The following ZNF141 variants were observed in gnomAD, a reference collection of about 807,000 sequenced individuals.
ZNF141 encodes zinc finger protein 141.
ZNF141 carries 7 observed loss-of-function variants against 11.3 expected under a neutral mutation model. That is an observed-to-expected ratio of 0.62 (90% CI 0.35 to 1.16). The LOEUF (loss-of-function observed/expected upper bound fraction) is 1.16, where lower values mean the gene tolerates loss of function less well. ZNF141 is among the 50% of genes most tolerant of loss of function. ZNF141 has a pLI of 0.02. For synonymous variants in ZNF141, 183 were observed against 190.7 expected, an observed-to-expected ratio of 0.96 and a Z score of 0.33; for missense variants, 535 against 554.0, an observed-to-expected ratio of 0.97 and a Z score of 0.34.
At chr4:367,446 A>G (rs1047344993) in intron 3 of ZNF141, among the ~76,000 whole-genome samples, 2 of 152,198 alleles carry the variant, frequency 1.3e-5, no homozygotes, top group African/African-American at 4.8e-5. Context: ...GATAAGTTCA[A>G]AAACTGTCAT....
At chr4:369,731 TAAAGAGA>T (rs1711929087) in intron 3 of ZNF141, among the ~76,000 whole-genome samples, 2 of 79,630 alleles carry the variant, frequency 2.5e-5, no homozygotes, top group Non-Finnish European at 4.9e-5. Flanking sequence ...AAAAATTTCT[TAAAGAGA>T]TATATATATA....
chr4:340,844 C>T (rs1392969674), intron 1 of ZNF141, among the ~76,000 whole-genome samples: 2 of 152,194 alleles, frequency 1.3e-5, no homozygotes, highest in South Asian at 4.1e-4. Context: ...CAATCACTAA[C>T]CAATGTTACT....
chr4:369,171 ACACACT>A (rs1560196358), intron 3 of ZNF141, among the ~76,000 whole-genome samples: 1 of 152,032 alleles, frequency 6.6e-6, no homozygotes, highest in African/African-American at 2.4e-5. Context: ...ACACACACAC[ACACACT>A]CACACACACA....
intron 3 of ZNF141, among the ~76,000 whole-genome samples, chr4:348,886 T>A (rs963243393): frequency 2.6e-5 from 4 of 152,234 alleles, no homozygotes; most frequent in Non-Finnish European, 5.9e-5. Flanking sequence ...AGGGATCACA[T>A]TGAATCTATA....
intron 3 of ZNF141, among the ~76,000 whole-genome samples, chr4:362,246 T>A (rs1355202823): frequency 6.6e-6 from 1 of 152,226 alleles, no homozygotes; most frequent in Non-Finnish European, 1.5e-5. Context: ...TCTTGTAAAT[T>A]TGTTTGAATT....
intron 3 of ZNF141, among the ~76,000 whole-genome samples, chr4:349,274 A>AG (rs1200137450): frequency 7.8e-4 from 119 of 152,278 alleles, no homozygotes; most frequent in Non-Finnish European, 1.6e-3. Context: ...TCTCAAAAAA[A>AG]AAAAAATCCC....
chr4:365,833 A>C (rs1711717437), intron 3 of ZNF141, among the ~76,000 whole-genome samples: 1 of 152,194 alleles, frequency 6.6e-6, no homozygotes, highest in African/African-American at 2.4e-5. Context: ...CTAGGGGCCT[A>C]GTTTCATTTT....
rs1553847813 is a variant in ZNF141 at position 337,956 on chromosome 4, G to A, written c.-28G>A. 6.2e-7 allele frequency: 1 copy of A among 1,612,732 alleles called. No homozygotes were observed. The highest frequency in any genetic ancestry group is 1.1e-5 in the South Asian group (1 of 91,068). ...CGGGTATTGGATGATTGGTAGCTAA[G>A]ACTCCCGAATACTTCAGAAGTGGGG... is the stretch of plus-strand genomic sequence containing the variant. On this transcript the variant is annotated 5_prime_UTR_variant, in exon 1 of 4. Transcript: ENST00000240499.
rs1312004013 is a variant in ZNF141 at position 376,090 on chromosome 4, C to G, written c.*2228C>G. 6.6e-6 allele frequency among the ~76,000 whole-genome samples: 1 copy of G among 151,936 alleles called. No homozygotes were observed. The highest frequency in any genetic ancestry group is 1.5e-5 in the Non-Finnish European group (1 of 67,862). On this transcript the variant is annotated 3_prime_UTR_variant, in exon 4 of 4. Transcript: ENST00000240499. The stretch of plus-strand genomic sequence containing the variant: ...ATTATGTGGGAACATAATTTTTTAA[C>G]TAAACAAAATTTTTAACGTGTTGAA...
chr4:344,190 T>A, intron 2 of ZNF141, 145 bp from the exon 3 acceptor site: 1 of 888,610 alleles, frequency 1.1e-6, no homozygotes, highest in Non-Finnish European at 1.7e-6. Context: ...ACTTAAATAT[T>A]CTAAAGATTC....
intron 3 of ZNF141, chr4:358,603 G>C (rs1445741171): frequency 6.3e-6 from 1 of 159,254 alleles, no homozygotes; most frequent in Non-Finnish European, 1.4e-5. Context: ...GTTTGAGATG[G>C]AGTCTTGTTC....
chr4:353,500 G>A (rs543654054), intron 3 of ZNF141, among the ~76,000 whole-genome samples: 61 of 144,994 alleles, frequency 4.2e-4, no homozygotes, highest in African/African-American at 1.3e-3. Context: ...TCTCACTCTC[G>A]TCCAGGCTGG....
In ZNF141 at chr4:359,138, A is replaced by G. The variant is rs1721991991; in HGVS notation, c.227-13526A>G. ...GGCTGATGAGATTTTCACTAGGATC[A>G]CAGTCAACTGCATTGGATCCTGGTC... On this transcript the variant is annotated intron_variant, in intron 3 of 3. Coordinates refer to ENST00000240499, the MANE Select transcript of ZNF141 (RefSeq NM_003441.4). 2.6e-5 allele frequency among the ~76,000 whole-genome samples: 4 copies of G among 152,300 alleles called. No homozygotes were observed. In the South Asian group the frequency reaches 6.2e-4, roughly 24 times the overall value.
chr4:350,676 T>C (rs535635658), intron 3 of ZNF141, among the ~76,000 whole-genome samples: 25 of 152,262 alleles, frequency 1.6e-4, no homozygotes, highest in African/African-American at 5.8e-4. Context: ...TCATGAATAG[T>C]TTAGTACCAG....
Position 373,923 on chromosome 4 carries a change from A to G in ZNF141, c.*61A>G. The G allele has an allele frequency of 7.1e-7, 1 of 1,416,722 alleles. No individual in the cohort carries two copies. Among genetic ancestry groups the G allele is most frequent in the Non-Finnish European group, 9.6e-7 (1 of 1,036,536 alleles). 87.8% of individuals were successfully genotyped at this position (1,416,722 alleles called of 1,614,324 possible). A position where few individuals can be genotyped will look rare whatever the true frequency, so the allele number is the denominator to read the frequency against. On this transcript the variant is annotated 3_prime_UTR_variant, in exon 4 of 4. Transcript: ENST00000240499. ...TTTGGATGATCCACAAACCTTAATG[A>G]ACATGAGAAAATTTATACTGTAGAG...
intron 3 of ZNF141, among the ~76,000 whole-genome samples, chr4:365,448 G>A (rs782748161): frequency 9.2e-5 from 14 of 152,280 alleles, no homozygotes; most frequent in African/African-American, 1.9e-4. Flanking sequence ...AACCAGAGCC[G>A]TTCCTATTCA....
At position 373,394 on chromosome 4, in the gene ZNF141, C is replaced by G. The variant is rs1553853955; in HGVS notation, c.957C>G (p.Ala319=). The change falls in exon 4 of 4, where the codon GCC becomes GCG. Residue 319 remains alanine (A), a synonymous_variant. Transcript: ENST00000240499. The stretch of plus-strand genomic sequence containing the variant: ...ACAAATGTGAAGAATGTGGCAAAGC[C>G]TTTAATAGGTCCACAACCCTTACTA... The part of the protein sequence containing the change: ...KPYKCEECGK[A]FNRSTTLTKH... 1.9e-6 allele frequency: 3 copies of G among 1,613,742 alleles called. No homozygotes were observed. The highest frequency in any genetic ancestry group is 2.5e-6 in the Non-Finnish European group (3 of 1,179,908).
rs919204938 is a variant in ZNF141, at chr4:340,775, C to T, written c.3+2789C>T. The stretch of plus-strand genomic sequence containing the variant: ...TTGCCACAAGTGGATATAAATTAAC[C>T]TAATAATGCCATACTGGACACTATA... On this transcript the variant is annotated intron_variant, in intron 1 of 3. Coordinates refer to ENST00000240499, the MANE Select transcript of ZNF141 (RefSeq NM_003441.4). Among the ~76,000 whole-genome samples, 11 of 152,288 alleles carry T rather than the reference C, an allele frequency of 7.2e-5. No individual in the cohort carries two copies. In the East Asian group the frequency reaches 1.7e-3, roughly 24 times the overall value.
At chr4:348,932 T>C (rs1553850035) in intron 3 of ZNF141, among the ~76,000 whole-genome samples, 2 of 152,186 alleles carry the variant, frequency 1.3e-5, no homozygotes, top group African/African-American at 4.8e-5. Flanking sequence ...CAATATTAGT[T>C]ATCCTAATGG....
Sources: gnomAD v4.1 joint callset for allele counts (sites outside exome capture counted in the v4.1 genomes callset) on GRCh38, gnomAD v4.1.1 for gene constraint, MANE v1.5 for transcripts, NCBI Gene and HGNC (gene_info 2026-07-23, HGNC 2026-07-21) for gene names.